RALGAPA2: variants seen among roughly 807,000 people sequenced by gnomAD.
RALGAPA2 encodes the protein ral GTPase-activating protein subunit alpha-2.
In RALGAPA2, 139 loss-of-function variants were observed where a neutral mutation model predicts 230.4. That is an observed-to-expected ratio of 0.60 (90% CI 0.53 to 0.69). RALGAPA2 has a LOEUF of 0.69. Among genes scored for constraint, RALGAPA2 ranks in the 30% least tolerant of loss-of-function variants. RALGAPA2 has a pLI of 0.00. For missense variants in RALGAPA2, 2,163 were observed against 2,276.0 expected (o/e 0.95, Z 1.01); for synonymous variants, 847 against 837.8 (o/e 1.01, Z -0.19).
At chr20:20,413,998 C>T (rs867644981) in intron 37 of RALGAPA2, among the ~76,000 whole-genome samples, 3 of 152,266 alleles carry the variant, frequency 2.0e-5, no homozygotes, top group Non-Finnish European at 2.9e-5. Context: ...GCTGTCGCCA[C>T]GGCTCGGCCC....
chr20:20,594,731 T>TC (rs1296944523), intron 16 of RALGAPA2, among the ~76,000 whole-genome samples: 3 of 148,496 alleles, frequency 2.0e-5, no homozygotes, highest in East Asian at 2.0e-4. Context: ...TTACTTTCTT[T>TC]TTTTTTTTTT....
At chr20:20,601,904 C>A in intron 15 of RALGAPA2, 58 bp from the exon 16 acceptor site, 2 of 1,422,740 alleles carry the variant, frequency 1.4e-6, no homozygotes, top group Non-Finnish European at 1.9e-6. Context: ...TCATTTCACG[C>A]TTGTGTTGCT....
At chr20:20,458,065 G>C (rs947936818) in intron 37 of RALGAPA2, among the ~76,000 whole-genome samples, 2 of 152,202 alleles carry the variant, frequency 1.3e-5, no homozygotes, top group African/African-American at 2.4e-5. Context: ...GAGGAGACTG[G>C]GGAGGAGGCC....
chr20:20,616,497 C>T (rs1288935696), intron 12 of RALGAPA2, among the ~76,000 whole-genome samples: 1 of 152,012 alleles, frequency 6.6e-6, no homozygotes, highest in Non-Finnish European at 1.5e-5. Context: ...GAAGACTTTT[C>T]AACAACCCCT....
chr20:20,604,114 T>C (rs1027618418), intron 15 of RALGAPA2, among the ~76,000 whole-genome samples: 1 of 152,226 alleles, frequency 6.6e-6, no homozygotes, highest in African/African-American at 2.4e-5. Flanking sequence ...ATGGCATGTA[T>C]TTTGGCATTT....
rs1412011749 is a variant in RALGAPA2 at position 20,437,973 on chromosome 20, CGTGGTTCTTATGAATCCCGCAAAGA to C, written c.5496-25850_5496-25826del. On this transcript the variant is annotated intron_variant, in intron 37 of 39. Transcript: ENST00000202677. The surrounding 1 kb of genome is among the most constrained non-coding windows in gnomAD (Gnocchi z 4.1). ...CAGTGGTTCCAGTGGATCCTGACTC[CGTGGTTCTTATGAATCCCGCAAAGA>C]GTGGTTCTTAATATGGGTCAATGGA... Among the ~76,000 whole-genome samples, 143 of 152,260 alleles carry C rather than the reference CGTGGTTCTTATGAATCCCGCAAAGA, an allele frequency of 9.4e-4. 1 individual carries two copies. The highest frequency in any genetic ancestry group is 3.3e-3 in the African/African-American group (138 of 41,540).
At chr20:20,397,535 C>A (rs1184516682) in intron 38 of RALGAPA2, among the ~76,000 whole-genome samples, 1 of 152,222 alleles carries the variant, frequency 6.6e-6, no homozygotes, top group African/African-American at 2.4e-5. Context: ...AACTCTCAGC[C>A]CCCACAACTC....
intron 10 of RALGAPA2, among the ~76,000 whole-genome samples, 189 bp from the exon 11 acceptor site, chr20:20,620,819 A>G (rs1170566862): frequency 1.3e-5 from 2 of 152,176 alleles, no homozygotes; most frequent in Non-Finnish European, 2.9e-5. Context: ...AGACATTCTC[A>G]TAAGAGAGCC....
rs187831780 is a variant in RALGAPA2 at position 20,523,971 on chromosome 20, G to C, written c.3900+435C>G. Reference sequence around the variant, plus strand: ...AGTCCTTAAGTTATTTACTTTTTTGGGGGGGGATGGAGTCTCGCTCTGTTG... The same window carrying C: ...AGTCCTTAAGTTATTTACTTTTTTGCGGGGGGATGGAGTCTCGCTCTGTTG... On this transcript the variant is annotated intron_variant, in intron 30 of 39. Transcript: ENST00000202677. Among the ~76,000 whole-genome samples, 578 of 149,804 alleles carry C rather than the reference G, an allele frequency of 3.9e-3. 1 individual carries two copies. Among genetic ancestry groups the C allele is most frequent in the African/African-American group, 0.014 (534 of 39,344 alleles).
chr20:20,681,784 A>C (rs2068530189), intron 1 of RALGAPA2, among the ~76,000 whole-genome samples: 1 of 152,148 alleles, frequency 6.6e-6, no homozygotes, highest in African/African-American at 2.4e-5. Context: ...CGAACTCAGG[A>C]GTTTCCTGAG....
intron 36 of RALGAPA2, among the ~76,000 whole-genome samples, chr20:20,491,615 C>G (rs1411005929): frequency 2.0e-5 from 3 of 152,204 alleles, no homozygotes; most frequent in Non-Finnish European, 4.4e-5. Flanking sequence ...AAGAACAACT[C>G]TGGCATTTTA....
At chr20:20,464,445 T>G (rs1414712423) in intron 37 of RALGAPA2, among the ~76,000 whole-genome samples, 1 of 152,226 alleles carries the variant, frequency 6.6e-6, no homozygotes, top group Admixed American at 6.5e-5. Flanking sequence ...ACAATGAAAT[T>G]AGGCCTTTTC....
chr20:20,613,272 G>A (rs1463866757), intron 13 of RALGAPA2, among the ~76,000 whole-genome samples: 1 of 152,200 alleles, frequency 6.6e-6, no homozygotes, highest in East Asian at 1.9e-4. Context: ...CACATGGAAT[G>A]AGGCATGTGT....
intron 24 of RALGAPA2, among the ~76,000 whole-genome samples, chr20:20,541,129 C>A (rs1220980404): frequency 5.3e-5 from 7 of 132,518 alleles, no homozygotes; most frequent in African/African-American, 2.0e-4. Flanking sequence ...TATCTTTTGT[C>A]TTTTTGGTGA....
At chr20:20,407,078 C>T (rs1265155955) in intron 38 of RALGAPA2, among the ~76,000 whole-genome samples, 1 of 152,126 alleles carries the variant, frequency 6.6e-6, no homozygotes, top group Non-Finnish European at 1.5e-5. Context: ...GCACTGATTC[C>T]AACTTGCCCA....
intron 1 of RALGAPA2, among the ~76,000 whole-genome samples, chr20:20,687,637 AAC>A (rs2068753918): frequency 6.6e-6 from 1 of 152,184 alleles, no homozygotes; most frequent in South Asian, 2.1e-4. Flanking sequence ...ATACAGACCC[AAC>A]ACAGTGAGGG....
rs2065663794 is a variant in RALGAPA2, at chr20:20,601,827, C to G, written c.2058G>C (p.Gln686His). Residue 686 changes from glutamine to histidine, a missense_variant, in exon 16 of 40, where the codon CAG (glutamine) becomes CAC (histidine). Physicochemically the swap from Gln to His is conservative, Grantham distance 24. Transcript: ENST00000202677. ...AGGACCTCCCCACGGTGGTTCCTTT[C>G]TGAGGATCTAGAACACAGCCTGATA... ...QRGKGCVLDP[Q>H]KGTTVGRSFS... 6.2e-7 allele frequency: 1 copy of G among 1,607,736 alleles called. No individual in the cohort carries two copies. Among genetic ancestry groups the G allele is most frequent in the Non-Finnish European group, 8.5e-7 (1 of 1,177,748 alleles).
At chr20:20,607,520 A>G (rs1473590591) in intron 14 of RALGAPA2, among the ~76,000 whole-genome samples, 1 of 152,168 alleles carries the variant, frequency 6.6e-6, no homozygotes, top group Non-Finnish European at 1.5e-5. Context: ...GCCATCTCCT[A>G]TTAATTTTTA....
At chr20:20,573,987 C>T (rs1456839585) in intron 20 of RALGAPA2, among the ~76,000 whole-genome samples, 2 of 152,134 alleles carry the variant, frequency 1.3e-5, no homozygotes, top group African/African-American at 2.4e-5. Flanking sequence ...TAAGTGTATG[C>T]TTAATAAACA....
Sources: allele counts gnomAD v4.1 joint callset (sites outside exome capture counted in the v4.1 genomes callset), GRCh38; gene constraint gnomAD v4.1.1; non-coding constraint Gnocchi (gnomAD v3.1); transcripts MANE v1.5; gene names NCBI Gene and HGNC (gene_info 2026-07-23, HGNC 2026-07-21).